Variants in IQCM observed in about 807,000 individuals in gnomAD.
IQCM encodes IQ domain-containing protein M.
A neutral mutation model predicts 57.6 loss-of-function variants in IQCM; 45 were observed. The ratio of observed to expected loss-of-function variants is 0.78; its 90% CI spans 0.62 to 1.00. The LOEUF is 1.00. Among genes scored for constraint, IQCM ranks in the 50% least tolerant of loss-of-function variants. The pLI is 0.00. For missense variants in IQCM, 468 were observed against 511.6 expected, an observed-to-expected ratio of 0.91 and a Z score of 0.82; for synonymous variants, 148 against 158.9, an observed-to-expected ratio of 0.93 and a Z score of 0.51.
At chr4:149,790,455 C>T (rs79353174) in intron 2 of IQCM, among the ~76,000 whole-genome samples, 3,445 of 152,252 alleles carry the variant, frequency 0.023, 130 homozygotes, top group African/African-American at 0.079. Flanking sequence ...GCAACAGCAA[C>T]GGGTTTTGGA....
At chr4:149,352,840 T>C (rs1278040763) in intron 13 of IQCM, among the ~76,000 whole-genome samples, 2 of 152,184 alleles carry the variant, frequency 1.3e-5, no homozygotes, top group Non-Finnish European at 2.9e-5. Flanking sequence ...AAATAAAAGG[T>C]ATAGATTTAC....
intron 12 of IQCM, among the ~76,000 whole-genome samples, chr4:149,534,424 C>T (rs1747075671): frequency 6.6e-6 from 1 of 152,068 alleles, no homozygotes; most frequent in African/African-American, 2.4e-5. Flanking sequence ...TGCAAATACG[C>T]TTGTATGGGT....
Position 149,491,890 on chromosome 4 carries a change from C to T in IQCM, c.1228+56565G>A, listed in dbSNP as rs566135427. 1.2e-3 allele frequency among the ~76,000 whole-genome samples: 184 copies of T among 151,998 alleles called. 4 individuals are homozygous for T. The South Asian group carries it at 0.035, about 29-fold the overall frequency. On this transcript the variant is annotated intron_variant, in intron 12 of 13. Coordinates refer to ENST00000636793, the MANE Select transcript of IQCM (RefSeq NM_001363507.2). ...CTCTACCATTTTTTTCAAGGGTTCC[C>T]TTTCTTCTACATCATCTCCAGCATT...
chr4:149,627,133 AG>A (rs1282116692), intron 7 of IQCM, among the ~76,000 whole-genome samples: 1 of 152,198 alleles, frequency 6.6e-6, no homozygotes, highest in East Asian at 1.9e-4. Context: ...TTCTGTGTGG[AG>A]GCTGGGGAGG....
chr4:149,434,399 G>T (rs1329893224), intron 12 of IQCM, among the ~76,000 whole-genome samples: 1 of 152,034 alleles, frequency 6.6e-6, no homozygotes, highest in Admixed American at 6.6e-5. Flanking sequence ...CTAGTTTTTG[G>T]TTGATAAGCC....
intron 11 of IQCM, among the ~76,000 whole-genome samples, chr4:149,551,757 T>C (rs1034939466): frequency 6.6e-6 from 1 of 152,102 alleles, no homozygotes; most frequent in African/African-American, 2.4e-5. Flanking sequence ...TTTCTACTAG[T>C]GGTATGGAGA....
At chr4:149,776,941 G>A (rs1385175673) in intron 2 of IQCM, among the ~76,000 whole-genome samples, 3 of 152,012 alleles carry the variant, frequency 2.0e-5, no homozygotes, top group Non-Finnish European at 2.9e-5. Flanking sequence ...TCTAATTTCT[G>A]TCGATAAGGT....
At chr4:149,361,719 C>T (rs572005639) in intron 13 of IQCM, among the ~76,000 whole-genome samples, 44 of 152,146 alleles carry the variant, frequency 2.9e-4, no homozygotes, top group African/African-American at 8.2e-4. Flanking sequence ...GAAGCCCAGA[C>T]AAAAGTTTGC....
intron 7 of IQCM, among the ~76,000 whole-genome samples, chr4:149,676,934 G>A (rs184188033): frequency 6.6e-6 from 1 of 151,888 alleles, no homozygotes. Flanking sequence ...AAATATACCA[G>A]AATTCAAACA....
intron 13 of IQCM, among the ~76,000 whole-genome samples, chr4:149,407,965 G>A (rs1159456343): frequency 6.6e-6 from 1 of 152,120 alleles, no homozygotes; most frequent in Non-Finnish European, 1.5e-5. Flanking sequence ...CACCTACAGT[G>A]TATAAGCATT....
At chr4:149,592,244 A>G (rs1230169873) in intron 8 of IQCM, among the ~76,000 whole-genome samples, 23 of 152,122 alleles carry the variant, frequency 1.5e-4, no homozygotes, top group Admixed American at 1.5e-3. Context: ...TTGGCTGCAT[A>G]AATGTCTTCT....
At chr4:149,360,791 C>A (rs1179739506) in intron 13 of IQCM, among the ~76,000 whole-genome samples, 1 of 152,098 alleles carries the variant, frequency 6.6e-6, no homozygotes, top group Non-Finnish European at 1.5e-5. Context: ...TCTTTATTAG[C>A]AGGGTGAAAA....
chr4:149,354,519 A>G (rs988522367), intron 13 of IQCM, among the ~76,000 whole-genome samples: 2 of 151,988 alleles, frequency 1.3e-5, no homozygotes, highest in Non-Finnish European at 2.9e-5. Context: ...AAAGCATGAG[A>G]TATGCATTCT....
At chr4:149,714,267 C>T (rs1764807449) in intron 5 of IQCM, among the ~76,000 whole-genome samples, 3 of 152,128 alleles carry the variant, frequency 2.0e-5, no homozygotes, top group Admixed American at 2.0e-4. Context: ...TCACTTGCTG[C>T]TCCTTCTCAG....
At chr4:149,522,254 C>G (rs920157810) in intron 12 of IQCM, among the ~76,000 whole-genome samples, 2 of 152,138 alleles carry the variant, frequency 1.3e-5, no homozygotes, top group African/African-American at 4.8e-5. Context: ...CCACCACTAT[C>G]CAGATTGCCA....
chr4:149,536,961 G>GT (rs1201626175), intron 12 of IQCM, among the ~76,000 whole-genome samples: 1 of 151,986 alleles, frequency 6.6e-6, no homozygotes, highest in Non-Finnish European at 1.5e-5. Flanking sequence ...CTTTACATAA[G>GT]TAAATCCTGG....
chr4:149,444,005 T>C (rs72955413), intron 12 of IQCM, among the ~76,000 whole-genome samples: 2,885 of 152,006 alleles, frequency 0.019, 60 homozygotes, highest in African/African-American at 0.057. Flanking sequence ...TTTGTAAAAG[T>C]ATTCATTAAA....
chr4:149,481,707 T>TTTTTTTGTTTTTTGTTTTG (rs1553975413), intron 12 of IQCM, among the ~76,000 whole-genome samples: 1 of 136,416 alleles, frequency 7.3e-6, no homozygotes, highest in Non-Finnish European at 1.6e-5. Flanking sequence ...TTTTGTTTTT[T>TTTTTTTGTTTTTTGTTTTG]TTTTTTTTTT....
intron 9 of IQCM, among the ~76,000 whole-genome samples, chr4:149,572,046 T>A (rs1234344216): frequency 6.6e-6 from 1 of 152,076 alleles, no homozygotes; most frequent in Non-Finnish European, 1.5e-5. Context: ...AAGTTATTAC[T>A]GAATCTATAA....
Sources: gnomAD v4.1 joint callset for allele counts (sites outside exome capture counted in the v4.1 genomes callset) on GRCh38, gnomAD v4.1.1 for gene constraint, MANE v1.5 for transcripts, NCBI Gene and HGNC (gene_info 2026-07-23, HGNC 2026-07-21) for gene names.